The following LRRTM3 variants were observed in gnomAD, a reference collection of about 807,000 sequenced individuals.
LRRTM3 encodes leucine rich repeat transmembrane neuronal 3.
LRRTM3 carries 24 observed loss-of-function variants against 44.7 expected under a neutral mutation model. The observed-to-expected ratio is 0.54, with a 90% CI of 0.39 to 0.76. LRRTM3 has a LOEUF of 0.76. Ranked by LOEUF, LRRTM3 falls within the 30% of genes least tolerant of loss-of-function variation. LRRTM3 has a pLI of 0.00. For missense variants in LRRTM3, 587 were observed against 702.2 expected (o/e 0.84, Z 1.85); for synonymous variants, 277 against 278.7 (o/e 0.99, Z 0.06).
rs1378396866 is a variant in LRRTM3, at chr10:66,931,240, C to T, written c.1536+2788C>T. Among the ~76,000 whole-genome samples, 3 of 113,490 alleles carry T rather than the reference C, an allele frequency of 2.6e-5. No homozygotes were observed. The Admixed American group carries it at 2.7e-4, about 10-fold the overall frequency. The allele number at this position is 113,490 out of a possible 152,430, so 74.5% of individuals were successfully genotyped here. A position where few individuals can be genotyped will look rare whatever the true frequency, so the allele number is the denominator to read the frequency against. On this transcript the variant is annotated intron_variant, in intron 2 of 2. Transcript: ENST00000361320. ...TGACCTGTTGAACTATACAACAGAA[C>T]ACAGAATACTTTGCTTTACCAAAAC...
intron 2 of LRRTM3, among the ~76,000 whole-genome samples, chr10:66,999,923 T>G (rs553261295): frequency 1.3e-5 from 2 of 152,198 alleles, no homozygotes; most frequent in Non-Finnish European, 1.5e-5. Flanking sequence ...ATTTGTTGTG[T>G]TGGCTTTAGA....
At chr10:66,996,249 G>A (rs1314542326) in intron 2 of LRRTM3, among the ~76,000 whole-genome samples, 1 of 152,076 alleles carries the variant, frequency 6.6e-6, no homozygotes, top group Non-Finnish European at 1.5e-5. Context: ...AAATTTTAAC[G>A]CATCTTGAAT....
At chr10:67,038,469 C>T (rs575749465) in intron 2 of LRRTM3, among the ~76,000 whole-genome samples, 2 of 152,060 alleles carry the variant, frequency 1.3e-5, no homozygotes, top group South Asian at 4.1e-4. Flanking sequence ...TCCTAGGCTA[C>T]TGTGTGAGCT....
At chr10:67,057,409 A>G (rs567190812) in intron 2 of LRRTM3, among the ~76,000 whole-genome samples, 1 of 152,168 alleles carries the variant, frequency 6.6e-6, no homozygotes, top group South Asian at 2.1e-4. Context: ...CCCTTGACCA[A>G]CATCTCTCCA....
chr10:66,943,568 C>T (rs1251166837), intron 2 of LRRTM3, among the ~76,000 whole-genome samples: 1 of 150,964 alleles, frequency 6.6e-6, no homozygotes, highest in Non-Finnish European at 1.5e-5. Context: ...ACACTAAGCA[C>T]AGCCTTAAGA....
chr10:66,975,843 G>A (rs953882832), intron 2 of LRRTM3, among the ~76,000 whole-genome samples: 1 of 152,132 alleles, frequency 6.6e-6, no homozygotes, highest in Non-Finnish European at 1.5e-5. Context: ...ATTAAGACTT[G>A]TCATTTTCTA....
Position 67,083,455 on chromosome 10 carries a change from C to T in LRRTM3, c.1537-14132C>T, listed in dbSNP as rs139056430. ...GCCACCCCCACTAAAGCAGAATAAC[C>T]TGATCCCACTGTGTTATGTTTCGTT... On this transcript the variant is annotated intron_variant, in intron 2 of 2. Coordinates refer to ENST00000361320, the MANE Select transcript of LRRTM3 (RefSeq NM_178011.5). 9.7e-3 allele frequency among the ~76,000 whole-genome samples: 1,468 copies of T among 151,878 alleles called. 10 individuals carry two copies. The highest frequency in any genetic ancestry group is 0.014 in the Non-Finnish European group (971 of 67,980).
chr10:67,060,218 TGA>T (rs1480079036), intron 2 of LRRTM3, among the ~76,000 whole-genome samples: 3 of 152,012 alleles, frequency 2.0e-5, no homozygotes, highest in Admixed American at 2.0e-4. Flanking sequence ...CTTGGGAGGC[TGA>T]GATGGGAGGA....
intron 2 of LRRTM3, among the ~76,000 whole-genome samples, chr10:67,059,605 T>G (rs994810383): frequency 3.9e-5 from 6 of 152,226 alleles, no homozygotes; most frequent in Non-Finnish European, 8.8e-5. Flanking sequence ...GATTTCCTTT[T>G]TTTAAAGTTG....
At chr10:66,991,436 T>A (rs1851030829) in intron 2 of LRRTM3, among the ~76,000 whole-genome samples, 1 of 152,212 alleles carries the variant, frequency 6.6e-6, no homozygotes, top group Non-Finnish European at 1.5e-5. Context: ...GGTAACACCA[T>A]CATGTTTTAT....
chr10:66,947,919 C>T (rs918040301), intron 2 of LRRTM3, among the ~76,000 whole-genome samples: 1 of 152,112 alleles, frequency 6.6e-6, no homozygotes, highest in Non-Finnish European at 1.5e-5. Context: ...CTTACATAAA[C>T]CTAGATGACA....
At chr10:67,024,061 G>A (rs1215193294) in intron 2 of LRRTM3, among the ~76,000 whole-genome samples, 2 of 152,186 alleles carry the variant, frequency 1.3e-5, no homozygotes, top group Admixed American at 6.5e-5. Context: ...TCTTCCGGAG[G>A]ACAGAAGTCC....
intron 2 of LRRTM3, among the ~76,000 whole-genome samples, chr10:67,042,797 T>C (rs1854485258): frequency 2.0e-5 from 3 of 152,122 alleles, no homozygotes; most frequent in Admixed American, 6.5e-5. Context: ...ATGGTGTCAG[T>C]TGTCAATGAT....
intron 2 of LRRTM3, among the ~76,000 whole-genome samples, chr10:66,958,808 AAAG>A (rs780794265): frequency 6.6e-6 from 1 of 152,138 alleles, no homozygotes; most frequent in Non-Finnish European, 1.5e-5. Flanking sequence ...ATGACTGCTC[AAAG>A]AAGAAGGAAA....
intron 2 of LRRTM3, among the ~76,000 whole-genome samples, chr10:67,017,190 G>A (rs1852711653): frequency 6.6e-6 from 1 of 152,152 alleles, no homozygotes; most frequent in Non-Finnish European, 1.5e-5. Context: ...TTTCCAAAGT[G>A]TTTTCAGGTC....
intron 2 of LRRTM3, among the ~76,000 whole-genome samples, chr10:67,034,279 ATTTGCCAAGCAATC>A (rs1853908833): frequency 6.6e-6 from 1 of 152,186 alleles, no homozygotes; most frequent in South Asian, 2.1e-4. Context: ...CCAAGCAATC[ATTTGCCAAGCAATC>A]ATTTATTCAG....
At chr10:67,007,494 C>T (rs1300262744) in intron 2 of LRRTM3, among the ~76,000 whole-genome samples, 1 of 151,428 alleles carries the variant, frequency 6.6e-6, no homozygotes, top group Non-Finnish European at 1.5e-5. Flanking sequence ...ACAAGCAGGA[C>T]TTTCACACTG....
intron 2 of LRRTM3, among the ~76,000 whole-genome samples, chr10:67,064,352 C>T (rs1554909598): frequency 6.6e-6 from 1 of 151,986 alleles, no homozygotes. Flanking sequence ...TGAAGCTCCA[C>T]AAAAAATATG....
At chr10:66,963,082 A>G (rs1194456423) in intron 2 of LRRTM3, among the ~76,000 whole-genome samples, 1 of 152,198 alleles carries the variant, frequency 6.6e-6, no homozygotes, top group Non-Finnish European at 1.5e-5. Flanking sequence ...CCAAAACTAT[A>G]TCATACTCTG....
Sources: gnomAD v4.1 joint callset for allele counts (sites outside exome capture counted in the v4.1 genomes callset) on GRCh38, gnomAD v4.1.1 for gene constraint, MANE v1.5 for transcripts, NCBI Gene and HGNC (gene_info 2026-07-23, HGNC 2026-07-21) for gene names.